ARID4B: variants seen among roughly 807,000 people sequenced by gnomAD.
ARID4B encodes AT-rich interactive domain-containing protein 4B.
Under a neutral mutation model 147.5 loss-of-function variants are expected in ARID4B, and 26 were observed. The observed-to-expected ratio is 0.18, with a 90% CI of 0.13 to 0.24. The LOEUF (loss-of-function observed/expected upper bound fraction) is 0.24, where lower values mean the gene tolerates loss of function less well. Ranked by LOEUF, ARID4B falls within the 10% of genes least tolerant of loss-of-function variation. The pLI is 1.00. For synonymous variants in ARID4B, 512 were observed against 507.9 expected, an observed-to-expected ratio of 1.01 and a Z score of -0.11; for missense variants, 1,179 against 1,511.5, an observed-to-expected ratio of 0.78 and a Z score of 3.65.
intron 2 of ARID4B, among the ~76,000 whole-genome samples, chr1:235,319,526 A>G (rs1674677688): frequency 6.6e-6 from 1 of 152,194 alleles, no homozygotes; most frequent in African/African-American, 2.4e-5. Flanking sequence ...AAATAAAATA[A>G]AAGGGTGAAT....
intron 17 of ARID4B, among the ~76,000 whole-genome samples, chr1:235,207,369 C>T (rs930221028): frequency 2.6e-5 from 4 of 152,196 alleles, no homozygotes; most frequent in African/African-American, 9.7e-5. Context: ...GCTTGCTTTA[C>T]TCCAACCACG....
chr1:235,181,457 AT>A lies in ARID4B; in HGVS notation c.3334+127del. 3 of 1,285,784 alleles carry A rather than the reference AT, an allele frequency of 2.3e-6. No individual in the cohort carries two copies. The South Asian group carries it at 4.4e-5, about 19-fold the overall frequency. 79.6% of individuals were successfully genotyped at this position (1,285,784 alleles called of 1,614,324 possible). On this transcript the variant is annotated intron_variant, in intron 20 of 23. Coordinates refer to ENST00000264183, the MANE Select transcript of ARID4B (RefSeq NM_016374.6). ...TTTTCAAATTACCTTTAAAATTTCC[AT>A]TTTTACCATGTTCACACAAATATGA... is the stretch of plus-strand genomic sequence containing the variant.
intron 20 of ARID4B, among the ~76,000 whole-genome samples, chr1:235,179,434 A>G (rs1193093313): frequency 2.0e-5 from 3 of 148,160 alleles, no homozygotes; most frequent in African/African-American, 7.4e-5. Context: ...GAGGCAGGAG[A>G]ATCTCTTGAA....
intron 8 of ARID4B, among the ~76,000 whole-genome samples, chr1:235,236,297 C>A (rs955003652): frequency 2.6e-5 from 4 of 151,956 alleles, no homozygotes; most frequent in African/African-American, 7.3e-5. Flanking sequence ...ATCAATAATT[C>A]TAAGAATTTA....
chr1:235,220,424 T>C lies in ARID4B; in HGVS notation c.1285A>G (p.Lys429Glu), dbSNP rs1430748023. Residue 429 changes from lysine to glutamate, a missense_variant, in exon 15 of 24, where the codon AAG (lysine) becomes GAG (glutamate). Around this residue, in one of 10 missense-constraint regions of ARID4B, gnomAD observed 204 missense variants for 210.9 expected, o/e 0.97. Coordinates refer to ENST00000264183, the MANE Select transcript of ARID4B (RefSeq NM_016374.6). ...ECENVKEIKV[K>E]EENETEIKEI... ...TTGATCTCTGTTTCATTTTCCTCCT[T>C]AACTTTTATTTCTTTTACATTTTCA... The C allele has an allele frequency of 1.9e-6, 3 of 1,612,430 alleles. No individual in the cohort carries two copies. The highest frequency in any genetic ancestry group is 3.3e-5 in the Admixed American group (2 of 59,990).
chr1:235,177,923 G>C lies in ARID4B; in HGVS notation c.3335-10C>G. Reference sequence around the variant, plus strand: ...TTCTGACCTGTACAGGCTATGAAGGGAAAGGAATTAAGTAACACAAAATAA... The same window carrying C: ...TTCTGACCTGTACAGGCTATGAAGGCAAAGGAATTAAGTAACACAAAATAA... On this transcript the variant is annotated splice_polypyrimidine_tract_variant and intron_variant, in intron 20 of 23. Coordinates refer to ENST00000264183, the MANE Select transcript of ARID4B (RefSeq NM_016374.6). The C allele has an allele frequency of 1.3e-6, 2 of 1,494,976 alleles. No homozygotes were observed. Among genetic ancestry groups the C allele is most frequent in the South Asian group, 1.3e-5 (1 of 79,724 alleles). The allele number at this position is 1,494,976 out of a possible 1,614,324, so 92.6% of individuals were successfully genotyped here.
chr1:235,202,423 AT>A (rs1336039406), intron 17 of ARID4B, among the ~76,000 whole-genome samples: 1 of 151,572 alleles, frequency 6.6e-6, no homozygotes, highest in East Asian at 1.9e-4. Context: ...TTGTCTGATA[AT>A]ATTTCTATTG....
At chr1:235,245,412 T>C (rs1251319851) in intron 7 of ARID4B, among the ~76,000 whole-genome samples, 1 of 152,158 alleles carries the variant, frequency 6.6e-6, no homozygotes, top group Non-Finnish European at 1.5e-5. Flanking sequence ...GCACAATAAA[T>C]TCATTTTTAA....
chr1:235,295,809 CAA>C (rs77831174), intron 2 of ARID4B: 20 of 124,374 alleles, frequency 1.6e-4, no homozygotes, highest in Non-Finnish European at 2.9e-4. Context: ...GACTACGTCC[CAA>C]AAAAAAAAAA....
rs546926656 is a variant in ARID4B, at chr1:235,221,731, C to T, written c.1066-69G>A. ...TAATATAATAACATTTTGATAGACA[C>T]AGTATATATGAGTATATTTTTATAT... On this transcript the variant is annotated intron_variant, in intron 13 of 23. Transcript: ENST00000264183. 8 of 811,478 alleles carry T rather than the reference C, an allele frequency of 9.9e-6. No homozygotes were observed. The East Asian group carries it at 1.3e-4, about 13-fold the overall frequency. 50.3% of individuals were successfully genotyped at this position (811,478 alleles called of 1,614,324 possible).
At chr1:235,293,628 G>C (rs998521694) in intron 2 of ARID4B, among the ~76,000 whole-genome samples, 2 of 146,696 alleles carry the variant, frequency 1.4e-5, no homozygotes, top group African/African-American at 5.1e-5. Flanking sequence ...TAACTATATA[G>C]AATATTCTAA....
chr1:235,260,567 TA>T (rs1670230776), intron 3 of ARID4B, 74 bp downstream of exon 3: 1 of 1,133,030 alleles, frequency 8.8e-7, no homozygotes, highest in African/African-American at 1.6e-5. Context: ...AGAAAAATCT[TA>T]AATACACTCA....
intron 11 of ARID4B, chr1:235,228,220 T>A (rs918638354): frequency 6.6e-6 from 1 of 151,774 alleles, no homozygotes; most frequent in Non-Finnish European, 1.5e-5. Flanking sequence ...GATGTAAGCA[T>A]TTCATGAGGT....
intron 2 of ARID4B, among the ~76,000 whole-genome samples, chr1:235,281,566 C>T (rs1031833486): frequency 6.6e-6 from 1 of 151,836 alleles, no homozygotes; most frequent in African/African-American, 2.4e-5. Flanking sequence ...AACAGCTGAG[C>T]GTGGTAGCCC....
chr1:235,222,166 C>A (rs1466286076), intron 13 of ARID4B, among the ~76,000 whole-genome samples: 2 of 151,946 alleles, frequency 1.3e-5, no homozygotes, highest in African/African-American at 4.8e-5. Context: ...CTGGCCTTAG[C>A]CTCCCAAAGT....
intron 10 of ARID4B, among the ~76,000 whole-genome samples, chr1:235,230,594 T>TTAAAAAAAAAAA (rs1491526188): frequency 2.9e-4 from 17 of 58,402 alleles, no homozygotes; most frequent in African/African-American, 1.1e-3. Flanking sequence ...GACTATAAGC[T>TTAAAAAAAAAAA]AAAAAAAAAA....
intron 2 of ARID4B, among the ~76,000 whole-genome samples, chr1:235,321,343 T>C (rs1423547117): frequency 6.6e-6 from 1 of 152,180 alleles, no homozygotes; most frequent in African/African-American, 2.4e-5. Flanking sequence ...AGGTTAACAT[T>C]CACACCAGAT....
chr1:235,263,225 TAGAAG>T (rs1670397682), intron 2 of ARID4B, among the ~76,000 whole-genome samples: 1 of 152,120 alleles, frequency 6.6e-6, no homozygotes. Context: ...TTATGAAACA[TAGAAG>T]AGAACAATAA....
chr1:235,222,678 CTT>C (rs35090143), intron 13 of ARID4B, among the ~76,000 whole-genome samples: 9 of 130,700 alleles, frequency 6.9e-5, no homozygotes, highest in African/African-American at 5.8e-5. Flanking sequence ...GAAAAAAAAT[CTT>C]TTTTTTTTTT....
Sources: allele counts gnomAD v4.1 joint callset (sites outside exome capture counted in the v4.1 genomes callset), GRCh38; gene constraint gnomAD v4.1.1; regional missense constraint gnomAD v4.1.1; transcripts MANE v1.5; gene names NCBI Gene and HGNC (gene_info 2026-07-23, HGNC 2026-07-21).